Variants in ZNF521 observed in about 807,000 individuals in gnomAD.
ZNF521 encodes LYST-interacting protein 3.
In ZNF521, 14 loss-of-function variants were observed where a neutral mutation model predicts 105.5. That is an observed-to-expected ratio of 0.13 (90% confidence interval 0.09 to 0.21). The LOEUF (loss-of-function observed/expected upper bound fraction) is 0.21, where lower values mean the gene tolerates loss of function less well. Ranked by LOEUF, ZNF521 falls within the 10% of genes least tolerant of loss-of-function variation. ZNF521 has a pLI of 1.00. For missense variants in ZNF521, 1,233 were observed against 1,629.7 expected, an observed-to-expected ratio of 0.76 and a Z score of 4.19; for synonymous variants, 635 against 606.0, an observed-to-expected ratio of 1.05 and a Z score of -0.70.
At chr18:25,268,410 T>C (rs1040717300) in intron 3 of ZNF521, among the ~76,000 whole-genome samples, 4 of 152,066 alleles carry the variant, frequency 2.6e-5, no homozygotes, top group South Asian at 4.2e-4. Flanking sequence ...CAGGCCAACA[T>C]TCAAATTCAG....
intron 2 of ZNF521, among the ~76,000 whole-genome samples, chr18:25,339,123 C>T (rs1277658609): frequency 2.6e-5 from 4 of 152,136 alleles, no homozygotes; most frequent in Non-Finnish European, 2.9e-5. Flanking sequence ...AAAGGAATAC[C>T]ATTTGTGTGA....
chr18:25,228,450 G>C (rs1906316638), intron 3 of ZNF521, among the ~76,000 whole-genome samples: 1 of 152,172 alleles, frequency 6.6e-6, no homozygotes. Context: ...GATCAGCTAG[G>C]ATCAAGAAAA....
At chr18:25,344,792 C>G (rs928809014) in intron 2 of ZNF521, among the ~76,000 whole-genome samples, 3 of 152,168 alleles carry the variant, frequency 2.0e-5, no homozygotes, top group African/African-American at 7.2e-5. Context: ...ATCACTTTCC[C>G]TCTTAAAATT....
chr18:25,200,185 A>G (rs1366313666), intron 4 of ZNF521, among the ~76,000 whole-genome samples: 1 of 151,906 alleles, frequency 6.6e-6, no homozygotes, highest in East Asian at 1.9e-4. Context: ...TTTCAAAAGG[A>G]GGTTTTCCAT....
chr18:25,140,896 T>A (rs2034834650), intron 5 of ZNF521, among the ~76,000 whole-genome samples: 1 of 152,168 alleles, frequency 6.6e-6, no homozygotes, highest in Non-Finnish European at 1.5e-5. Context: ...TGCTTAACAT[T>A]CTGCTTTCAA....
chr18:25,233,172 C>A lies in ZNF521; in HGVS notation c.221-5475G>T, dbSNP rs55928040. Among the ~76,000 whole-genome samples the A allele has an allele frequency of 9.4e-4, 143 of 152,206 alleles. 2 individuals carry two copies. Among genetic ancestry groups the A allele is most frequent in the Non-Finnish European group, 7.1e-4 (48 of 68,004 alleles). On this transcript the variant is annotated intron_variant, in intron 3 of 7. Coordinates refer to ENST00000361524, the MANE Select transcript of ZNF521 (RefSeq NM_015461.3). ...CACCATCATATTTAAAATCTTCTAA[C>A]CAAATTACAAAATACATTTTTAAAG... is the stretch of plus-strand genomic sequence containing the variant.
intron 5 of ZNF521, among the ~76,000 whole-genome samples, chr18:25,188,412 A>C (rs1396712668): frequency 6.6e-6 from 1 of 152,212 alleles, no homozygotes; most frequent in Admixed American, 6.5e-5. Context: ...GAAATAGGTC[A>C]TCAGAGACCT....
rs186014462 is a variant in ZNF521 at position 25,091,008 on chromosome 18, T to G, written c.3790+942A>C. On this transcript the variant is annotated intron_variant, in intron 6 of 7. Coordinates refer to ENST00000361524, the MANE Select transcript of ZNF521 (RefSeq NM_015461.3). ...AGGCAGAGCCATCAACGTACTCAGT[T>G]AGTAATTGTGCTAGCTGTGCAATGA... 3.0e-4 allele frequency among the ~76,000 whole-genome samples: 45 copies of G among 152,320 alleles called. No individual in the cohort carries two copies. In the East Asian group the frequency reaches 7.3e-3, roughly 25 times the overall value.
chr18:25,247,741 C>T (rs1218233065), intron 3 of ZNF521, among the ~76,000 whole-genome samples: 7 of 152,082 alleles, frequency 4.6e-5, no homozygotes, highest in African/African-American at 1.7e-4. Context: ...TGGTTTTCAC[C>T]AGAGCCCTTT....
chr18:25,118,500 A>G (rs2144336511), intron 5 of ZNF521, among the ~76,000 whole-genome samples: 1 of 152,188 alleles, frequency 6.6e-6, no homozygotes, highest in South Asian at 2.1e-4. Context: ...TATGAAATCT[A>G]TATCACAGAT....
chr18:25,074,159 AAG>A (rs1279358894), intron 7 of ZNF521, among the ~76,000 whole-genome samples: 1 of 152,218 alleles, frequency 6.6e-6, no homozygotes, highest in Non-Finnish European at 1.5e-5. Flanking sequence ...GGCAAAAAAA[AAG>A]AGTTACATAC....
intron 2 of ZNF521, among the ~76,000 whole-genome samples, chr18:25,337,647 C>T (rs939630835): frequency 6.6e-6 from 1 of 152,300 alleles, no homozygotes; most frequent in East Asian, 1.9e-4. Flanking sequence ...CACTCTCTAA[C>T]CCTGCTGCCA....
chr18:25,296,439 G>C (rs1295871519), intron 3 of ZNF521, among the ~76,000 whole-genome samples: 1 of 152,040 alleles, frequency 6.6e-6, no homozygotes, highest in Admixed American at 6.5e-5. Flanking sequence ...CTATGGATTT[G>C]GGATCTGAGA....
intron 4 of ZNF521, among the ~76,000 whole-genome samples, chr18:25,219,772 G>C (rs1377805491): frequency 6.6e-6 from 1 of 152,046 alleles, no homozygotes; most frequent in African/African-American, 2.4e-5. Context: ...AGCCATGATT[G>C]GACCACTGTA....
chr18:25,192,406 T>G (rs979804836), intron 5 of ZNF521, among the ~76,000 whole-genome samples: 2 of 152,066 alleles, frequency 1.3e-5, no homozygotes, highest in Non-Finnish European at 2.9e-5. Flanking sequence ...GAAAGATGTG[T>G]GGCGGTTGCT....
At chr18:25,313,770 A>G (rs539327376) in intron 3 of ZNF521, among the ~76,000 whole-genome samples, 4 of 152,320 alleles carry the variant, frequency 2.6e-5, no homozygotes, top group African/African-American at 9.6e-5. Flanking sequence ...GTATTAGTAA[A>G]TACATATTAT....
At chr18:25,088,539 G>A (rs116859005) in intron 7 of ZNF521, among the ~76,000 whole-genome samples, 2,094 of 152,018 alleles carry the variant, frequency 0.014, 23 homozygotes, top group Admixed American at 0.02. Context: ...TTTTCAGTTC[G>A]ACTCTATTCT....
chr18:25,120,088 GC>G (rs2144343020), intron 5 of ZNF521, among the ~76,000 whole-genome samples: 1 of 152,212 alleles, frequency 6.6e-6, no homozygotes, highest in East Asian at 1.9e-4. Context: ...AATCTGAACA[GC>G]CTTTTTTGTC....
At chr18:25,066,248 G>A (rs771521507) in intron 7 of ZNF521, among the ~76,000 whole-genome samples, 12 of 152,170 alleles carry the variant, frequency 7.9e-5, no homozygotes, top group Admixed American at 2.0e-4. Flanking sequence ...AAGGCAGCAC[G>A]TTCCTAGAGC....
Sources: allele counts gnomAD v4.1 joint callset (sites outside exome capture counted in the v4.1 genomes callset), GRCh38; gene constraint gnomAD v4.1.1; transcripts MANE v1.5; gene names NCBI Gene and HGNC (gene_info 2026-07-23, HGNC 2026-07-21).